Variants in KCNN3 observed in about 807,000 individuals in gnomAD.
The protein encoded by KCNN3 is potassium calcium-activated channel subfamily N member 3.
In KCNN3, 16 loss-of-function variants were observed where a neutral mutation model predicts 62.9. That is an observed-to-expected ratio of 0.25 (90% CI 0.17 to 0.39). KCNN3 has a LOEUF of 0.39. Among genes scored for constraint, KCNN3 ranks in the 10% least tolerant of loss-of-function variants. The pLI, the probability that KCNN3 is intolerant of heterozygous loss-of-function variation, is 1.00. For synonymous variants in KCNN3, 370 were observed against 389.2 expected, an observed-to-expected ratio of 0.95 and a Z score of 0.58; for missense variants, 599 against 949.4, an observed-to-expected ratio of 0.63 and a Z score of 4.85.
intron 1 of KCNN3, among the ~76,000 whole-genome samples, chr1:154,866,751 C>T (rs1652970383): frequency 1.3e-5 from 2 of 152,230 alleles, no homozygotes; most frequent in East Asian, 1.9e-4. Flanking sequence ...ACTGCCCCCT[C>T]GGTGCACGCC....
Position 154,772,515 on chromosome 1 carries a change from G to C in KCNN3, c.1030-122C>G. Reference sequence around the variant, plus strand: ...GGCTCAGGTCAGCCTGACCACCTCAGCATGCTCTTTAGGGGCCTTGCTATG... The same window carrying C: ...GGCTCAGGTCAGCCTGACCACCTCACCATGCTCTTTAGGGGCCTTGCTATG... On this transcript the variant is annotated intron_variant, in intron 2 of 7. Coordinates refer to ENST00000271915, the MANE Select transcript of KCNN3 (RefSeq NM_002249.6). This position sits in a 1 kb window ranked among gnomAD's most constrained non-coding sequence, Gnocchi z 5.6. 1.1e-6 allele frequency: 1 copy of C among 907,448 alleles called. No individual in the cohort carries two copies. Among genetic ancestry groups the C allele is most frequent in the Non-Finnish European group, 1.8e-6 (1 of 562,550 alleles). The allele number at this position is 907,448 out of a possible 1,614,324, so 56.2% of individuals were successfully genotyped here.
At position 154,862,103 on chromosome 1, in the gene KCNN3, C is replaced by T. The variant is rs1158111645; in HGVS notation, c.933+6929G>A. On this transcript the variant is annotated intron_variant, in intron 1 of 7. Transcript: ENST00000271915. This position sits in a 1 kb window ranked among gnomAD's most constrained non-coding sequence, Gnocchi z 4.1. Reference sequence around the variant, plus strand: ...TGGAGAAGCCCTTCGAGGTCCCTCACTCAAATCCCCAGCAGAAGTTTGTGG... The same window carrying T: ...TGGAGAAGCCCTTCGAGGTCCCTCATTCAAATCCCCAGCAGAAGTTTGTGG... 1.3e-5 allele frequency among the ~76,000 whole-genome samples: 2 copies of T among 152,212 alleles called. No individual in the cohort carries two copies. The highest frequency in any genetic ancestry group is 2.9e-5 in the Non-Finnish European group (2 of 68,040).
Position 154,732,890 on chromosome 1 carries a change from A to T in KCNN3, c.1590+113T>A, listed in dbSNP as rs570015901. The T allele has an allele frequency of 5.5e-5, 64 of 1,162,096 alleles. 2 individuals carry two copies. In the South Asian group the frequency reaches 7.1e-4, roughly 13 times the overall value. The allele number at this position is 1,162,096 out of a possible 1,614,324, so 72.0% of individuals were successfully genotyped here. ...AGGGGACACACATGCAGGTCGGTTA[A>T]CTAACAGCCACCCCCCGCTCTGCGG... On this transcript the variant is annotated intron_variant, in intron 4 of 7. Transcript: ENST00000271915.
At chr1:154,734,159 G>A (rs972965017) in intron 3 of KCNN3, among the ~76,000 whole-genome samples, 1 of 152,236 alleles carries the variant, frequency 6.6e-6, no homozygotes, top group Non-Finnish European at 1.5e-5. Context: ...AGTGCAGCAA[G>A]GGAGCTGGTT....
At chr1:154,736,407 T>C (rs1404055068) in intron 3 of KCNN3, among the ~76,000 whole-genome samples, 1 of 152,200 alleles carries the variant, frequency 6.6e-6, no homozygotes, top group African/African-American at 2.4e-5. Context: ...GGAGAACTAT[T>C]TGATACAGAC....
intron 1 of KCNN3, chr1:154,867,883 GT>G (rs1203629333): frequency 1.1e-6 from 1 of 921,250 alleles, no homozygotes; most frequent in Non-Finnish European, 1.3e-6. Context: ...CGATTCCCAG[GT>G]CTCCAAGCCT....
At chr1:154,824,550 T>G (rs1651031546) in intron 1 of KCNN3, among the ~76,000 whole-genome samples, 1 of 152,156 alleles carries the variant, frequency 6.6e-6, no homozygotes, top group African/African-American at 2.4e-5. Flanking sequence ...ATCAATCAAC[T>G]GGGGATCAAC....
intron 3 of KCNN3, among the ~76,000 whole-genome samples, chr1:154,748,347 A>G (rs900169655): frequency 6.6e-6 from 1 of 152,174 alleles, no homozygotes; most frequent in Non-Finnish European, 1.5e-5. Flanking sequence ...GCCATCAGTC[A>G]CAGAGCGTGA....
At position 154,869,221 on chromosome 1, in the gene KCNN3, G is replaced by C; in HGVS notation, c.744C>G (p.Thr248=). Residue 248 remains threonine (T), a synonymous_variant, in exon 1 of 8, where the codon ACC becomes ACG. Coordinates refer to ENST00000271915, the MANE Select transcript of KCNN3 (RefSeq NM_002249.6). The surrounding 1 kb of genome is among the most constrained non-coding windows in gnomAD (Gnocchi z 6.1). Reference sequence around the variant, plus strand: ...TGGGGAAGGTGGTGCTGCTGGCGGTGGTGCCGGCATGCTGGTGGTTGTGGG... The same window carrying C: ...TGGGGAAGGTGGTGCTGCTGGCGGTCGTGCCGGCATGCTGGTGGTTGTGGG... ...NATHNHQHAG[T]TASSTTFPKA... is the part of the protein sequence containing the mutation. The C allele has an allele frequency of 6.2e-7, 1 of 1,614,152 alleles. No individual in the cohort carries two copies. Among genetic ancestry groups the C allele is most frequent in the Admixed American group, 1.7e-5 (1 of 60,030 alleles).
At chr1:154,711,823 A>G (rs1213762603) in intron 7 of KCNN3, among the ~76,000 whole-genome samples, 1 of 152,210 alleles carries the variant, frequency 6.6e-6, no homozygotes, top group Non-Finnish European at 1.5e-5. Context: ...GGCTAAAACT[A>G]TTATATGTAC....
chr1:154,764,440 A>T (rs1030346658), intron 3 of KCNN3, among the ~76,000 whole-genome samples: 17 of 152,232 alleles, frequency 1.1e-4, no homozygotes, highest in African/African-American at 4.1e-4. Flanking sequence ...CAGAATGCAG[A>T]TACAGTCTCA....
At chr1:154,855,360 C>A (rs1477895435) in intron 1 of KCNN3, among the ~76,000 whole-genome samples, 1 of 152,198 alleles carries the variant, frequency 6.6e-6, no homozygotes, top group Non-Finnish European at 1.5e-5. Flanking sequence ...ACAGTCATGT[C>A]CTAGGCCCTC....
chr1:154,797,563 C>T (rs1034902234), intron 2 of KCNN3, among the ~76,000 whole-genome samples: 5 of 152,230 alleles, frequency 3.3e-5, no homozygotes, highest in Admixed American at 2.0e-4. Flanking sequence ...TGAATTTACA[C>T]GGACTTATTT....
intron 4 of KCNN3, among the ~76,000 whole-genome samples, chr1:154,730,821 C>A (rs964684267): frequency 6.6e-6 from 1 of 152,158 alleles, no homozygotes; most frequent in Non-Finnish European, 1.5e-5. Context: ...CCTCAATCCA[C>A]AGGGAACAGA....
chr1:154,848,970 C>T (rs979093277), intron 1 of KCNN3, among the ~76,000 whole-genome samples: 20 of 152,116 alleles, frequency 1.3e-4, no homozygotes, highest in African/African-American at 4.8e-4. Flanking sequence ...GAAAGTTTGC[C>T]GAGTAGAATG....
chr1:154,756,099 AGAAG>A lies in KCNN3; in HGVS notation c.1448+15872_1448+15875del, dbSNP rs1265871318. Among the ~76,000 whole-genome samples the A allele has an allele frequency of 8.5e-4, 115 of 135,044 alleles. 2 individuals are homozygous for A. Among genetic ancestry groups the A allele is most frequent in the African/African-American group, 3.2e-3 (108 of 33,464 alleles). The allele number at this position is 135,044 out of a possible 152,430, so 88.6% of individuals were successfully genotyped here. A position where few individuals can be genotyped will look rare whatever the true frequency, so the allele number is the denominator to read the frequency against. On this transcript the variant is annotated intron_variant, in intron 3 of 7. Coordinates refer to ENST00000271915, the MANE Select transcript of KCNN3 (RefSeq NM_002249.6). The stretch of plus-strand genomic sequence containing the variant: ...GAGGAGGAGGAGGGGGAAAGAAGGA[AGAAG>A]GAAGAAGAAGGAAGAGGAAGATGAG...
chr1:154,750,527 T>C (rs866935980), intron 3 of KCNN3, among the ~76,000 whole-genome samples: 4 of 152,062 alleles, frequency 2.6e-5, no homozygotes, highest in African/African-American at 2.4e-5. Flanking sequence ...GCATCAACTC[T>C]CACAGCTCTG....
rs1365408565 is a variant in KCNN3 at position 154,705,620 on chromosome 1, T to A, written c.*2356A>T. ...AAAGTCACAGACCACAATGAATAAA[T>A]CACAGTCTGTGCACACTTTTGGCCA... is the stretch of plus-strand genomic sequence containing the variant. On this transcript the variant is annotated 3_prime_UTR_variant, in exon 8 of 8. Coordinates refer to ENST00000271915, the MANE Select transcript of KCNN3 (RefSeq NM_002249.6). 1 of 152,130 alleles carries A rather than the reference T, an allele frequency of 6.6e-6. No individual in the cohort carries two copies. Among genetic ancestry groups the A allele is most frequent in the African/African-American group, 2.4e-5 (1 of 41,420 alleles). The allele number at this position is 152,130 out of a possible 1,614,324, so 9.4% of individuals were successfully genotyped here. A position where few individuals can be genotyped will look rare whatever the true frequency, so the allele number is the denominator to read the frequency against.
chr1:154,824,177 A>G (rs1280885052), intron 1 of KCNN3, among the ~76,000 whole-genome samples: 4 of 152,176 alleles, frequency 2.6e-5, no homozygotes, highest in Non-Finnish European at 5.9e-5. Flanking sequence ...CTGACTTTCT[A>G]CATTGCATGG....
Sources: gnomAD v4.1 joint callset for allele counts (sites outside exome capture counted in the v4.1 genomes callset) on GRCh38, gnomAD v4.1.1 for gene constraint, Gnocchi (gnomAD v3.1) non-coding constraint, MANE v1.5 for transcripts, NCBI Gene and HGNC (gene_info 2026-07-23, HGNC 2026-07-21) for gene names.